SUGCT: variants seen among roughly 807,000 people sequenced by gnomAD.
SUGCT encodes succinyl-CoA:glutarate CoA-transferase.
SUGCT carries 41 observed loss-of-function variants against 55.0 expected under a neutral mutation model. The ratio of observed to expected loss-of-function variants is 0.74; its 90% CI spans 0.58 to 0.97. SUGCT has a LOEUF of 0.97. Ranked by LOEUF, SUGCT falls within the 50% of genes least tolerant of loss-of-function variation. The pLI, the probability that SUGCT is intolerant of heterozygous loss-of-function variation, is 0.00. For synonymous variants in SUGCT, 187 were observed against 200.4 expected (o/e 0.93, Z 0.56); for missense variants, 568 against 547.8 (o/e 1.04, Z -0.37).
chr7:40,202,966 A>G (rs1392900042), intron 6 of SUGCT, among the ~76,000 whole-genome samples: 6 of 152,218 alleles, frequency 3.9e-5, no homozygotes. Flanking sequence ...CGATGTAGCC[A>G]TAACCCCTTG....
the SUGCT span, among the ~76,000 whole-genome samples, chr7:40,897,918 A>G: frequency 0.42 from 55,075 of 129,828 alleles, 10,146 homozygotes; most frequent in East Asian, 0.51. Flanking sequence ...CTGTAAAATG[A>G]ACCAATCAGC....
intron 11 of SUGCT, among the ~76,000 whole-genome samples, chr7:40,473,585 C>T (rs1790510199): frequency 6.6e-6 from 1 of 151,984 alleles, no homozygotes; most frequent in African/African-American, 2.4e-5. Flanking sequence ...TCCCAAAAGT[C>T]CTCTGAAAGT....
chr7:40,395,780 A>G (rs946725946), intron 9 of SUGCT, among the ~76,000 whole-genome samples: 11 of 152,278 alleles, frequency 7.2e-5, no homozygotes, highest in African/African-American at 2.6e-4. Context: ...GAGTTGCTTA[A>G]CAATTTGGGT....
At chr7:40,358,916 A>G (rs766695491) in intron 9 of SUGCT, among the ~76,000 whole-genome samples, 3 of 152,236 alleles carry the variant, frequency 2.0e-5, no homozygotes, top group Non-Finnish European at 4.4e-5. Context: ...AGTTATGTAT[A>G]CTTCCAGGCA....
intron 9 of SUGCT, among the ~76,000 whole-genome samples, chr7:40,375,376 G>C (rs763331644): frequency 8.5e-5 from 13 of 152,136 alleles, no homozygotes; most frequent in South Asian, 6.2e-4. Context: ...ACTTTGAGTG[G>C]GAAGACTTGT....
At chr7:41,011,807 A>C in the SUGCT span, among the ~76,000 whole-genome samples, 2 of 152,220 alleles carry the variant, frequency 1.3e-5, no homozygotes, top group Admixed American at 1.3e-4. Context: ...CTTGATTCAC[A>C]GGTATACATT....
intron 12 of SUGCT, among the ~76,000 whole-genome samples, chr7:40,680,043 C>T (rs1318183037): frequency 3.3e-5 from 5 of 151,976 alleles, no homozygotes; most frequent in Admixed American, 2.0e-4. Context: ...TATTTTGGAC[C>T]CTTCAGCTTT....
At chr7:40,484,452 G>A (rs1487044728) in intron 11 of SUGCT, among the ~76,000 whole-genome samples, 1 of 152,138 alleles carries the variant, frequency 6.6e-6, no homozygotes, top group East Asian at 1.9e-4. Flanking sequence ...AGTGGCCTTG[G>A]GGGCGGACAG....
intron 13 of SUGCT, among the ~76,000 whole-genome samples, chr7:40,784,720 C>A (rs376789015): frequency 6.6e-6 from 1 of 152,132 alleles, no homozygotes; most frequent in Non-Finnish European, 1.5e-5. Flanking sequence ...GATGCAGGTA[C>A]TACCTGGACT....
chr7:40,969,734 A>G, the SUGCT span, among the ~76,000 whole-genome samples: 1 of 152,232 alleles, frequency 6.6e-6, no homozygotes, highest in South Asian at 2.1e-4. Context: ...GTCAGTTTTT[A>G]TGTCTGGTCA....
the SUGCT span, among the ~76,000 whole-genome samples, chr7:40,946,807 C>T: frequency 1.3e-5 from 2 of 152,094 alleles, no homozygotes; most frequent in African/African-American, 2.4e-5. Context: ...AATGAGAAAT[C>T]AGCAATTAAT....
At chr7:40,822,995 CTTAT>C (rs1297742355) in intron 13 of SUGCT, among the ~76,000 whole-genome samples, 1 of 152,096 alleles carries the variant, frequency 6.6e-6, no homozygotes, top group African/African-American at 2.4e-5. Context: ...CCAAGGGCTG[CTTAT>C]TTATTTTGCT....
In SUGCT at chr7:40,426,774, A is replaced by G. The variant is rs1444684618; in HGVS notation, c.817-22513A>G. 4.6e-5 allele frequency among the ~76,000 whole-genome samples: 7 copies of G among 152,090 alleles called. No homozygotes were observed. The East Asian group carries it at 1.2e-3, about 25-fold the overall frequency. On this transcript the variant is annotated intron_variant, in intron 9 of 13. Transcript: ENST00000335693. ...AAGGTACAGAAGTAGAAAAGAATAT[A>G]TATATTTTAAGAATGGCACATTTAA...
intron 13 of SUGCT, among the ~76,000 whole-genome samples, chr7:40,835,030 T>G (rs1299023064): frequency 6.6e-6 from 1 of 152,226 alleles, no homozygotes; most frequent in Non-Finnish European, 1.5e-5. Flanking sequence ...GTCCAATGCT[T>G]TATTGAGATG....
At chr7:40,407,550 A>G (rs1180466887) in intron 9 of SUGCT, among the ~76,000 whole-genome samples, 1 of 152,160 alleles carries the variant, frequency 6.6e-6, no homozygotes, top group African/African-American at 2.4e-5. Context: ...AGTACTAAGA[A>G]GAAGATCATG....
At chr7:40,214,451 T>A (rs1466458845) in intron 6 of SUGCT, among the ~76,000 whole-genome samples, 1 of 152,170 alleles carries the variant, frequency 6.6e-6, no homozygotes, top group East Asian at 1.9e-4. Context: ...GTGAGAGAAC[T>A]GAGGCACAAA....
intron 12 of SUGCT, among the ~76,000 whole-genome samples, chr7:40,677,841 T>C (rs973597437): frequency 6.6e-6 from 1 of 152,204 alleles, no homozygotes; most frequent in Non-Finnish European, 1.5e-5. Flanking sequence ...TTTCACAGTT[T>C]CTGTGGGTCT....
intron 9 of SUGCT, among the ~76,000 whole-genome samples, chr7:40,353,092 T>A (rs761717593): frequency 5.3e-5 from 8 of 152,188 alleles, no homozygotes; most frequent in Non-Finnish European, 1.2e-4. Context: ...AGTGTCTGTG[T>A]CCTTTGCCCA....
chr7:40,643,439 C>A lies in SUGCT; in HGVS notation c.1090-105995C>A, dbSNP rs576304888. Among the ~76,000 whole-genome samples the A allele has an allele frequency of 3.9e-5, 6 of 152,290 alleles. No individual in the cohort carries two copies. The South Asian group carries it at 1.2e-3, about 32-fold the overall frequency. On this transcript the variant is annotated intron_variant, in intron 12 of 13. Coordinates refer to ENST00000335693, the MANE Select transcript of SUGCT (RefSeq NM_001193313.2). Reference sequence around the variant, plus strand: ...CTATAGTGTGAAGTGCCGGGTTCCTCTGAGTTGCTTTTGGATGGTGCTAGG... The same window carrying A: ...CTATAGTGTGAAGTGCCGGGTTCCTATGAGTTGCTTTTGGATGGTGCTAGG...
Sources: gnomAD v4.1 joint callset for allele counts (sites outside exome capture counted in the v4.1 genomes callset) on GRCh38, gnomAD v4.1.1 for gene constraint, MANE v1.5 for transcripts, NCBI Gene and HGNC (gene_info 2026-07-23, HGNC 2026-07-21) for gene names.